Variants in PGM5 observed in about 807,000 individuals in gnomAD.
PGM5 encodes phosphoglucomutase 5.
In PGM5, 23 loss-of-function variants were observed where a neutral mutation model predicts 59.2. The observed-to-expected ratio is 0.39, with a 90% CI of 0.28 to 0.55. The LOEUF (loss-of-function observed/expected upper bound fraction) is 0.55. Ranked by LOEUF, PGM5 falls within the 20% of genes least tolerant of loss-of-function variation. The probability of loss-of-function intolerance (pLI) is 0.66; values close to 1 mark genes in which losing one functional copy is unlikely to be tolerated. For missense variants in PGM5, 574 were observed against 748.3 expected, an observed-to-expected ratio of 0.77 and a Z score of 2.72; for synonymous variants, 214 against 286.0, an observed-to-expected ratio of 0.75 and a Z score of 2.54.
chr9:68,429,964 G>A (rs191530228), intron 6 of PGM5, among the ~76,000 whole-genome samples: 1 of 152,312 alleles, frequency 6.6e-6, no homozygotes, highest in African/African-American at 2.4e-5. Flanking sequence ...TTTTTGTGTT[G>A]CTGGAAGAAG....
At chr9:68,524,637 T>G (rs1824945462) in intron 10 of PGM5, among the ~76,000 whole-genome samples, 1 of 152,174 alleles carries the variant, frequency 6.6e-6, no homozygotes, top group Non-Finnish European at 1.5e-5. Context: ...GTCTGCCTGG[T>G]TTTGGTCAGG....
At chr9:68,501,228 T>C (rs1367790160) in intron 10 of PGM5, among the ~76,000 whole-genome samples, 3 of 152,184 alleles carry the variant, frequency 2.0e-5, no homozygotes, top group African/African-American at 7.2e-5. Context: ...CCCCCGAGTA[T>C]GTAGCACATG....
At chr9:68,510,723 A>G (rs1195336555) in intron 10 of PGM5, among the ~76,000 whole-genome samples, 3 of 152,194 alleles carry the variant, frequency 2.0e-5, no homozygotes, top group Non-Finnish European at 4.4e-5. Flanking sequence ...TCCTGAGAAC[A>G]TGTGCCCAAG....
chr9:68,397,772 C>A (rs1487618677), intron 6 of PGM5: 1 of 152,168 alleles, frequency 6.6e-6, no homozygotes, highest in East Asian at 1.9e-4. Context: ...GATAGGAGAT[C>A]CAGGGAAGGA....
intron 10 of PGM5, among the ~76,000 whole-genome samples, chr9:68,507,445 G>A (rs1824675738): frequency 6.6e-6 from 1 of 152,182 alleles, no homozygotes; most frequent in Non-Finnish European, 1.5e-5. Flanking sequence ...TGCCCAATTA[G>A]GATGGCTAGT....
chr9:68,373,643 T>G (rs1554677328), intron 1 of PGM5, among the ~76,000 whole-genome samples: 1 of 152,114 alleles, frequency 6.6e-6, no homozygotes, highest in Non-Finnish European at 1.5e-5. Flanking sequence ...GGCATTAAAC[T>G]GTCGTTTATG....
chr9:68,373,432 C>T (rs188219700), intron 1 of PGM5, among the ~76,000 whole-genome samples: 1,959 of 152,208 alleles, frequency 0.013, 40 homozygotes, highest in African/African-American at 0.045. Flanking sequence ...TGTAATTACT[C>T]ACTTTAACCT....
intron 10 of PGM5, among the ~76,000 whole-genome samples, chr9:68,512,164 A>G (rs1277870615): frequency 2.0e-5 from 3 of 152,196 alleles, no homozygotes; most frequent in Non-Finnish European, 2.9e-5. Context: ...AAGCTCTTTT[A>G]CCAGAGAGAA....
chr9:68,490,428 C>A (rs1824372167), intron 9 of PGM5, among the ~76,000 whole-genome samples: 1 of 152,234 alleles, frequency 6.6e-6, no homozygotes, highest in Non-Finnish European at 1.5e-5. Flanking sequence ...CTCACTGCAA[C>A]ACTGCAACCT....
chr9:68,360,008 C>G (rs2131969244), intron 1 of PGM5, among the ~76,000 whole-genome samples: 1 of 152,188 alleles, frequency 6.6e-6, no homozygotes, highest in Admixed American at 6.5e-5. Flanking sequence ...CTATGCACAG[C>G]TGATTTTTGT....
chr9:68,511,819 T>G (rs1172834154), intron 10 of PGM5, among the ~76,000 whole-genome samples: 2 of 152,184 alleles, frequency 1.3e-5, no homozygotes, highest in Non-Finnish European at 2.9e-5. Context: ...ATTCCCAGAT[T>G]ACTTAGCAAT....
At chr9:68,441,026 A>C (rs927360884) in intron 6 of PGM5, among the ~76,000 whole-genome samples, 3 of 152,122 alleles carry the variant, frequency 2.0e-5, no homozygotes, top group African/African-American at 4.8e-5. Flanking sequence ...CACTACAGAC[A>C]ACTCTTCATG....
intron 6 of PGM5, chr9:68,400,722 C>T (rs1554680520): frequency 1.3e-5 from 2 of 152,384 alleles, no homozygotes; most frequent in Non-Finnish European, 2.9e-5. Context: ...TTGTGGTTTT[C>T]GTTTACATTT....
chr9:68,399,707 A>G (rs1367820334), intron 6 of PGM5, among the ~76,000 whole-genome samples: 6 of 151,882 alleles, frequency 4.0e-5, no homozygotes, highest in Non-Finnish European at 7.4e-5. Flanking sequence ...GATGATCTAG[A>G]TACCAGACCC....
intron 6 of PGM5, among the ~76,000 whole-genome samples, chr9:68,433,473 A>T (rs1823390350): frequency 6.6e-6 from 1 of 152,354 alleles, no homozygotes; most frequent in Middle Eastern, 3.4e-3. Flanking sequence ...AAACAAATCC[A>T]TTAACCTCCT....
At chr9:68,418,106 T>C (rs372336341) in intron 6 of PGM5, among the ~76,000 whole-genome samples, 1 of 152,350 alleles carries the variant, frequency 6.6e-6, no homozygotes, top group Middle Eastern at 3.4e-3. Context: ...CTCTCCACTT[T>C]GTCCTTCACT....
chr9:68,407,010 TC>T (rs1822835051), intron 6 of PGM5, among the ~76,000 whole-genome samples: 1 of 152,006 alleles, frequency 6.6e-6, no homozygotes, highest in African/African-American at 2.4e-5. Context: ...TGTGTGAACC[TC>T]ACATATCTCT....
intron 1 of PGM5, among the ~76,000 whole-genome samples, chr9:68,364,286 C>T (rs1451464664): frequency 6.6e-6 from 1 of 152,048 alleles, no homozygotes; most frequent in Admixed American, 6.6e-5. Flanking sequence ...CCATGAAAAG[C>T]TGGTTGCTCT....
intron 10 of PGM5, among the ~76,000 whole-genome samples, chr9:68,510,531 T>A (rs1464436905): frequency 1.3e-5 from 2 of 152,200 alleles, no homozygotes; most frequent in African/African-American, 4.8e-5. Context: ...ATCAGTCAAA[T>A]TGAGATAGAT....
Sources: allele counts gnomAD v4.1 joint callset (sites outside exome capture counted in the v4.1 genomes callset), GRCh38; gene constraint gnomAD v4.1.1; transcripts MANE v1.5; gene names NCBI Gene and HGNC (gene_info 2026-07-23, HGNC 2026-07-21).